Variants in LTBP1 observed in about 807,000 individuals in gnomAD.
LTBP1 encodes the protein latent transforming growth factor beta binding protein 1.
In LTBP1, 129 loss-of-function variants were observed where a neutral mutation model predicts 207.6. The observed-to-expected ratio is 0.62, with a 90% CI of 0.54 to 0.72. The LOEUF (loss-of-function observed/expected upper bound fraction) is 0.72, where lower values mean the gene tolerates loss of function less well. Among genes scored for constraint, LTBP1 ranks in the 30% least tolerant of loss-of-function variants. The pLI, the probability that LTBP1 is intolerant of heterozygous loss-of-function variation, is 0.00. For missense variants in LTBP1, 2,281 were observed against 2,217.2 expected, an observed-to-expected ratio of 1.03 and a Z score of -0.58; for synonymous variants, 963 against 833.7, an observed-to-expected ratio of 1.16 and a Z score of -2.67.
intron 31 of LTBP1, among the ~76,000 whole-genome samples, chr2:33,383,357 G>C (rs1427433725): frequency 1.3e-5 from 2 of 152,126 alleles, no homozygotes; most frequent in East Asian, 3.9e-4. Context: ...CGTCTCAGGG[G>C]AATAAAAAAG....
chr2:32,997,134 C>T (rs1044556375), intron 2 of LTBP1, among the ~76,000 whole-genome samples: 2 of 152,144 alleles, frequency 1.3e-5, no homozygotes, highest in Admixed American at 1.3e-4. Context: ...ATCCGCCCAC[C>T]TCGGCCTCCC....
At chr2:33,378,373 A>T (rs2150344985) in intron 31 of LTBP1, among the ~76,000 whole-genome samples, 1 of 151,802 alleles carries the variant, frequency 6.6e-6, no homozygotes, top group East Asian at 1.9e-4. Context: ...CTACAGGCTC[A>T]CACCACCACA....
At chr2:32,976,762 G>A (rs930268494) in intron 2 of LTBP1, among the ~76,000 whole-genome samples, 6 of 152,146 alleles carry the variant, frequency 3.9e-5, no homozygotes, top group Admixed American at 2.6e-4. Context: ...TGTGGAGGGA[G>A]GCACACTCCG....
intron 24 of LTBP1, among the ~76,000 whole-genome samples, chr2:33,318,458 T>C (rs533752734): frequency 4.8e-4 from 73 of 152,322 alleles, no homozygotes; most frequent in African/African-American, 1.7e-3. Flanking sequence ...ACTAGGGGAA[T>C]TGGGGATAAA....
chr2:33,084,848 A>T (rs2078657887), intron 3 of LTBP1, among the ~76,000 whole-genome samples: 1 of 152,058 alleles, frequency 6.6e-6, no homozygotes, highest in African/African-American at 2.4e-5. Flanking sequence ...AGTTTGTTTC[A>T]CCAGGTTTCT....
chr2:33,079,907 T>C (rs1324957935), intron 3 of LTBP1, among the ~76,000 whole-genome samples: 1 of 151,142 alleles, frequency 6.6e-6, no homozygotes, highest in Admixed American at 6.6e-5. Flanking sequence ...TTTGACTTGC[T>C]ATTCTTTCTT....
chr2:33,393,467 G>A lies in LTBP1; in HGVS notation c.4835-3666G>A, dbSNP rs372096146. 3.6e-5 allele frequency among the ~76,000 whole-genome samples: 5 copies of A among 137,634 alleles called. No homozygotes were observed. The East Asian group carries it at 8.7e-4, about 24-fold the overall frequency. 90.3% of individuals were successfully genotyped at this position (137,634 alleles called of 152,430 possible). A position where few individuals can be genotyped will look rare whatever the true frequency, so the allele number is the denominator to read the frequency against. On this transcript the variant is annotated intron_variant, in intron 32 of 33. Coordinates refer to ENST00000404816, the MANE Select transcript of LTBP1 (RefSeq NM_206943.4). Reference sequence around the variant, plus strand: ...TCCCCCAACCCCGCGAAAGGCCCTGGTGTGTGATGTTCCCCATCCTGTGTC... The same window carrying A: ...TCCCCCAACCCCGCGAAAGGCCCTGATGTGTGATGTTCCCCATCCTGTGTC...
intron 7 of LTBP1, among the ~76,000 whole-genome samples, chr2:33,201,378 C>CA (rs572741452): frequency 6.9e-6 from 1 of 145,542 alleles, no homozygotes; most frequent in South Asian, 2.2e-4. Context: ...ATGGCAAGGA[C>CA]AAAAAAACCA....
intron 13 of LTBP1, among the ~76,000 whole-genome samples, chr2:33,260,413 A>G (rs1337759235): frequency 1.3e-5 from 2 of 152,202 alleles, no homozygotes; most frequent in Non-Finnish European, 2.9e-5. Context: ...TAATAATTAC[A>G]TGAAAATTAG....
chr2:33,364,312 T>C lies in LTBP1; in HGVS notation c.4496T>C (p.Leu1499Pro), dbSNP rs2094959150. Residue 1499 changes from leucine (L) to proline (P), a missense_variant, in exon 30 of 34, where the codon CTG becomes CCG. Leu to Pro is a moderately conservative substitution (Grantham distance 98). Coordinates refer to ENST00000404816, the MANE Select transcript of LTBP1 (RefSeq NM_206943.4). ...YNCFCTHPMV[L>P]DASEKRCIRP... ...TGCTTCTGTACTCACCCCATGGTCC[T>C]GGATGCGTCAGAAAAAAGATGTATA... 1.2e-6 allele frequency: 2 copies of C among 1,614,074 alleles called. No individual in the cohort carries two copies. The highest frequency in any genetic ancestry group is 1.7e-6 in the Non-Finnish European group (2 of 1,179,966).
chr2:33,308,158 G>T (rs2094127535), intron 22 of LTBP1, among the ~76,000 whole-genome samples: 1 of 152,154 alleles, frequency 6.6e-6, no homozygotes, highest in Non-Finnish European at 1.5e-5. Context: ...ACAGAAGAGG[G>T]CTCATGGAGT....
rs185916126 is a variant in LTBP1 at position 33,113,818 on chromosome 2, A to C, written c.1033+3067A>C. ...CACATTGTATAGAGATATGTATCTC[A>C]GTTTGTTTATCCATTCATCAGTTGA... On this transcript the variant is annotated intron_variant, in intron 4 of 33. Transcript: ENST00000404816. Among the ~76,000 whole-genome samples, 4 of 152,156 alleles carry C rather than the reference A, an allele frequency of 2.6e-5. No individual in the cohort carries two copies. In the South Asian group the frequency reaches 6.2e-4, roughly 24 times the overall value.
rs188550415 is a variant in LTBP1 at position 33,349,306 on chromosome 2, C to T, written c.4000+1796C>T. On this transcript the variant is annotated intron_variant, in intron 26 of 33. Transcript: ENST00000404816. Reference sequence around the variant, plus strand: ...CTCTACTAAAAATAGAAAAATTAGCCGGGAGTGGAGGCATATGCTTGTAAT... The same window carrying T: ...CTCTACTAAAAATAGAAAAATTAGCTGGGAGTGGAGGCATATGCTTGTAAT... Among the ~76,000 whole-genome samples the T allele has an allele frequency of 1.2e-4, 19 of 152,024 alleles. No individual in the cohort carries two copies. The East Asian group carries it at 2.9e-3, about 23-fold the overall frequency.
At chr2:33,378,214 TGTGTGTGTTTTG>T (rs1215755561) in intron 31 of LTBP1, among the ~76,000 whole-genome samples, 2 of 150,398 alleles carry the variant, frequency 1.3e-5, no homozygotes, top group Non-Finnish European at 3.0e-5. Flanking sequence ...TGTGTGTGTG[TGTGTGTGTTTTG>T]TTTGTTTGTT....
intron 24 of LTBP1, among the ~76,000 whole-genome samples, chr2:33,328,349 T>C (rs948030491): frequency 6.6e-6 from 1 of 152,112 alleles, no homozygotes; most frequent in Non-Finnish European, 1.5e-5. Flanking sequence ...GACTTCATTA[T>C]TGTAGATTCG....
At chr2:33,390,764 G>C (rs1481777907) in intron 32 of LTBP1, among the ~76,000 whole-genome samples, 1 of 152,082 alleles carries the variant, frequency 6.6e-6, no homozygotes, top group East Asian at 1.9e-4. Flanking sequence ...AGTGCTTATA[G>C]GTGTGAGCCA....
chr2:32,969,111 A>G (rs1680443211), intron 2 of LTBP1, among the ~76,000 whole-genome samples: 1 of 151,462 alleles, frequency 6.6e-6, no homozygotes, highest in Non-Finnish European at 1.5e-5. Context: ...TTTTTAGTAG[A>G]GATGGGGTTT....
chr2:33,005,568 CAA>C (rs1686730230), intron 2 of LTBP1, among the ~76,000 whole-genome samples: 1 of 149,628 alleles, frequency 6.7e-6, no homozygotes, highest in Non-Finnish European at 1.5e-5. Context: ...AGCTCAGATT[CAA>C]GAGAGAGGGA....
intron 2 of LTBP1, among the ~76,000 whole-genome samples, chr2:33,019,517 T>C (rs1291680369): frequency 6.6e-6 from 1 of 151,652 alleles, no homozygotes; most frequent in African/African-American, 2.4e-5. Context: ...GTATTTTTAG[T>C]AGAGATGAGG....
Sources: allele counts gnomAD v4.1 joint callset (sites outside exome capture counted in the v4.1 genomes callset), GRCh38; gene constraint gnomAD v4.1.1; transcripts MANE v1.5; gene names NCBI Gene and HGNC (gene_info 2026-07-23, HGNC 2026-07-21).